ALK: variants seen among roughly 807,000 people sequenced by gnomAD.
ALK encodes ALK tyrosine kinase receptor.
Under a neutral mutation model 163.1 loss-of-function variants are expected in ALK, and 74 were observed. The ratio of observed to expected loss-of-function variants is 0.45; its 90% CI spans 0.38 to 0.55. The LOEUF (loss-of-function observed/expected upper bound fraction) is 0.55, where lower values mean the gene tolerates loss of function less well. Ranked by LOEUF, ALK falls within the 20% of genes least tolerant of loss-of-function variation. The pLI is 0.00. For synonymous variants in ALK, 960 were observed against 843.2 expected (o/e 1.14, Z -2.40); for missense variants, 2,063 against 2,105.3 (o/e 0.98, Z 0.39).
chr2:29,920,738 G>A lies in ALK; in HGVS notation c.-79C>T, dbSNP rs1429617883. Reference sequence around the variant, plus strand: ...TCTCCCCGAGATGGGAAGAGGCTCTGAACAGTCCTTGGTACCCAGCGGCTC... The same window carrying A: ...TCTCCCCGAGATGGGAAGAGGCTCTAAACAGTCCTTGGTACCCAGCGGCTC... On this transcript the variant is annotated 5_prime_UTR_variant, in exon 1 of 29. Transcript: ENST00000389048. 7.6e-7 allele frequency: 1 copy of A among 1,312,536 alleles called. No homozygotes were observed. The highest frequency in any genetic ancestry group is 1.1e-6 in the Non-Finnish European group (1 of 948,362). The allele number at this position is 1,312,536 out of a possible 1,614,324, so 81.3% of individuals were successfully genotyped here. A position where few individuals can be genotyped will look rare whatever the true frequency, so the allele number is the denominator to read the frequency against.
At chr2:29,558,052 ACT>A (rs2148180496) in intron 3 of ALK, among the ~76,000 whole-genome samples, 1 of 151,552 alleles carries the variant, frequency 6.6e-6, no homozygotes, top group East Asian at 1.9e-4. Context: ...TGCTTTAAAA[ACT>A]CTTCTGGTTT....
chr2:29,715,355 C>A (rs1679217665), intron 2 of ALK, among the ~76,000 whole-genome samples: 1 of 152,200 alleles, frequency 6.6e-6, no homozygotes, highest in African/African-American at 2.4e-5. Context: ...GAAGGGAAAT[C>A]ATGAGGATTC....
At chr2:29,551,810 C>G (rs1189976428) in intron 3 of ALK, among the ~76,000 whole-genome samples, 1 of 151,974 alleles carries the variant, frequency 6.6e-6, no homozygotes, top group African/African-American at 2.4e-5. Flanking sequence ...CTTGAATTTT[C>G]CAAAACACCT....
rs1668835440 is a variant in ALK, at chr2:29,379,216, GTC to G, written c.1282+4514_1282+4515del. Among the ~76,000 whole-genome samples, 6 of 152,288 alleles carry G rather than the reference GTC, an allele frequency of 3.9e-5. No homozygotes were observed. In the South Asian group the frequency reaches 1.2e-3, roughly 32 times the overall value. On this transcript the variant is annotated intron_variant, in intron 5 of 28. Transcript: ENST00000389048. Reference sequence around the variant, plus strand: ...GGCATGGGTGTCTCTGGGGGCTGATGTCTCTCTTGCCTGTGCTGATTGTGTAA... The same window carrying G: ...GGCATGGGTGTCTCTGGGGGCTGATGTCTCTTGCCTGTGCTGATTGTGTAA...
intron 4 of ALK, among the ~76,000 whole-genome samples, chr2:29,429,194 A>C (rs1431270706): frequency 6.6e-6 from 1 of 152,068 alleles, no homozygotes; most frequent in African/African-American, 2.4e-5. Context: ...GATCAGGAAT[A>C]AGACAAGAAT....
At chr2:29,220,900 G>A (rs1669784850) in intron 22 of ALK, 65 bp from the exon 23 acceptor site, 1 of 1,604,958 alleles carries the variant, frequency 6.2e-7, no homozygotes, top group Non-Finnish European at 8.5e-7. Context: ...CTTAAACTGG[G>A]AGGAACAGGA....
chr2:29,540,429 T>C (rs1051811630), intron 3 of ALK, among the ~76,000 whole-genome samples: 2 of 152,126 alleles, frequency 1.3e-5, no homozygotes, highest in Non-Finnish European at 2.9e-5. Flanking sequence ...AAAGCTAACT[T>C]ATAAGAGCCT....
chr2:29,856,287 T>C (rs1666135985), intron 1 of ALK, among the ~76,000 whole-genome samples: 1 of 152,326 alleles, frequency 6.6e-6, no homozygotes, highest in South Asian at 2.1e-4. Context: ...AGCATCTTTA[T>C]TTTAGAGTCA....
chr2:29,658,459 G>T (rs1291038775), intron 3 of ALK, among the ~76,000 whole-genome samples: 1 of 152,148 alleles, frequency 6.6e-6, no homozygotes, highest in Non-Finnish European at 1.5e-5. Flanking sequence ...TATGAAATTT[G>T]AGTTAATAAA....
At chr2:29,319,931 GGAGA>G (rs1666963483) in intron 7 of ALK, among the ~76,000 whole-genome samples, 1 of 152,264 alleles carries the variant, frequency 6.6e-6, no homozygotes, top group South Asian at 2.1e-4. Flanking sequence ...GACAGAAGAA[GGAGA>G]GAGACCTTCC....
At position 29,296,296 on chromosome 2, in the gene ALK, T is replaced by C. The variant is rs564862617; in HGVS notation, c.1817+592A>G. 2.6e-5 allele frequency among the ~76,000 whole-genome samples: 4 copies of C among 152,300 alleles called. No individual in the cohort carries two copies. In the East Asian group the frequency reaches 7.7e-4, roughly 29 times the overall value. On this transcript the variant is annotated intron_variant, in intron 9 of 28. Transcript: ENST00000389048. ...TTACTGAAGAATTTGCCATCCTCTT[T>C]ATCAACCTGCCTCAGGACCTGACTC...
intron 2 of ALK, among the ~76,000 whole-genome samples, chr2:29,712,244 C>T (rs1679124882): frequency 6.6e-6 from 1 of 152,208 alleles, no homozygotes; most frequent in African/African-American, 2.4e-5. Context: ...GGGACTCAGA[C>T]TTTGTGGTGA....
At chr2:29,643,064 G>C (rs1449690617) in intron 3 of ALK, among the ~76,000 whole-genome samples, 1 of 152,022 alleles carries the variant, frequency 6.6e-6, no homozygotes, top group Non-Finnish European at 1.5e-5. Flanking sequence ...ATTTAAAAGA[G>C]ACAGAGATAA....
chr2:29,405,448 C>T (rs4613225), intron 4 of ALK, among the ~76,000 whole-genome samples: 11,881 of 152,132 alleles, frequency 0.078, 636 homozygotes, highest in Middle Eastern at 0.13. Flanking sequence ...TGGAGCTCTG[C>T]GGTGGGTGGA....
intron 4 of ALK, among the ~76,000 whole-genome samples, chr2:29,475,639 C>G (rs889663781): frequency 2.0e-5 from 3 of 152,196 alleles, no homozygotes; most frequent in Non-Finnish European, 2.9e-5. Flanking sequence ...CCTGCTAGCT[C>G]TATGTAGAGA....
intron 1 of ALK, among the ~76,000 whole-genome samples, chr2:29,833,093 G>T (rs1236215412): frequency 6.6e-6 from 1 of 152,168 alleles, no homozygotes. Context: ...ATACAGAGAG[G>T]GCTGTCAGGG....
rs143673858 is a variant in ALK, at chr2:29,353,823, C to G, written c.1283-25342G>C. On this transcript the variant is annotated intron_variant, in intron 5 of 28. Transcript: ENST00000389048. ...TGGGCACATAAAAGTGGCAGTTTCACATGATTCAACCTAATGCATTCAGAC... is the reference window on the plus strand; with the variant it reads ...TGGGCACATAAAAGTGGCAGTTTCAGATGATTCAACCTAATGCATTCAGAC... Among the ~76,000 whole-genome samples, 468 of 152,266 alleles carry G rather than the reference C, an allele frequency of 3.1e-3. 5 individuals are homozygous for G. Among genetic ancestry groups the G allele is most frequent in the African/African-American group, 0.01 (417 of 41,546 alleles).
intron 1 of ALK, among the ~76,000 whole-genome samples, chr2:29,902,858 G>A (rs1489939613): frequency 1.3e-5 from 2 of 152,200 alleles, no homozygotes; most frequent in East Asian, 3.9e-4. Context: ...TAGCTCTTAA[G>A]CTCACACCAT....
chr2:29,281,650 C>T (rs1456243809), intron 9 of ALK, among the ~76,000 whole-genome samples: 1 of 152,198 alleles, frequency 6.6e-6, no homozygotes. Context: ...GCTGGCTTTG[C>T]ATAAAGAATG....
Sources: gnomAD v4.1 joint callset for allele counts (sites outside exome capture counted in the v4.1 genomes callset) on GRCh38, gnomAD v4.1.1 for gene constraint, MANE v1.5 for transcripts, NCBI Gene and HGNC (gene_info 2026-07-23, HGNC 2026-07-21) for gene names.